The following PCDHGA1 variants were observed in gnomAD, a reference collection of about 807,000 sequenced individuals.
PCDHGA1 encodes protocadherin gamma subfamily A, 1.
A neutral mutation model predicts 58.0 loss-of-function variants in PCDHGA1; 32 were observed. That is an observed-to-expected ratio of 0.55 (90% CI 0.42 to 0.74). PCDHGA1 has a LOEUF of 0.74. PCDHGA1 is among the 30% of genes least tolerant of loss of function. PCDHGA1 has a pLI of 0.00. For synonymous variants in PCDHGA1, 498 were observed against 501.1 expected, an observed-to-expected ratio of 0.99 and a Z score of 0.08; for missense variants, 1,205 against 1,182.3, an observed-to-expected ratio of 1.02 and a Z score of -0.28.
At chr5:141,360,781 G>A (rs1364422649) in intron 1 of PCDHGA1, 1 of 1,613,920 alleles carries the variant, frequency 6.2e-7, no homozygotes, top group East Asian at 2.2e-5. Context: ...CACAGCTGTG[G>A]ATGGCGGAGA....
At chr5:141,412,948 G>A in intron 1 of PCDHGA1, 1 of 468,334 alleles carries the variant, frequency 2.1e-6, no homozygotes, top group Non-Finnish European at 3.7e-6. Context: ...TCTGAGCGCC[G>A]CTGTTCACCT....
intron 1 of PCDHGA1, chr5:141,419,465 G>A (rs568864628): frequency 1.9e-6 from 3 of 1,612,544 alleles, no homozygotes; most frequent in South Asian, 1.1e-5. Context: ...GCAGGCCCGC[G>A]ACCAGGGCTC....
Position 141,489,493 on chromosome 5 carries a change from G to A in PCDHGA1, c.2422-5314G>A, listed in dbSNP as rs1485293604. ...CCTGAGCTTGATGAGTGGTGCCCTG[G>A]CAGTGAATCAAAAGATTGACCGAGA... On this transcript the variant is annotated intron_variant, in intron 1 of 3. Coordinates refer to ENST00000517417, the MANE Select transcript of PCDHGA1 (RefSeq NM_018912.3). The surrounding 1 kb of genome is among the most constrained non-coding windows in gnomAD (Gnocchi z 4.5). The A allele has an allele frequency of 1.2e-6, 2 of 1,613,960 alleles. No homozygotes were observed. Among genetic ancestry groups the A allele is most frequent in the Non-Finnish European group, 1.7e-6 (2 of 1,180,038 alleles).
intron 1 of PCDHGA1, chr5:141,478,874 A>G: frequency 1.6e-6 from 2 of 1,276,696 alleles, no homozygotes; most frequent in Non-Finnish European, 2.1e-6. Flanking sequence ...ATCAGAGTTT[A>G]GCTTGGTATC....
At chr5:141,447,437 G>A (rs1435222330) in intron 1 of PCDHGA1, among the ~76,000 whole-genome samples, 3 of 152,128 alleles carry the variant, frequency 2.0e-5, no homozygotes, top group Non-Finnish European at 2.9e-5. Context: ...CGCACCCGGA[G>A]GAAATTTTTA....
chr5:141,399,590 T>G, intron 1 of PCDHGA1: 1 of 1,613,972 alleles, frequency 6.2e-7, no homozygotes, highest in East Asian at 2.2e-5. Context: ...TACTCTATCA[T>G]GGCCAGCGAC....
intron 1 of PCDHGA1, among the ~76,000 whole-genome samples, chr5:141,435,696 A>G (rs932132128): frequency 1.3e-5 from 2 of 152,204 alleles, no homozygotes; most frequent in East Asian, 1.9e-4. Context: ...TGCTTATTGT[A>G]GAGTGGTTAC....
intron 1 of PCDHGA1, chr5:141,360,675 C>T: frequency 5.0e-6 from 8 of 1,613,980 alleles, no homozygotes; most frequent in Non-Finnish European, 6.8e-6. Flanking sequence ...ACTTTGATCT[C>T]GCTGAGAAAC....
chr5:141,478,716 G>T, intron 1 of PCDHGA1: 1 of 1,545,206 alleles, frequency 6.5e-7, no homozygotes. Flanking sequence ...TGAGATGGTG[G>T]CCTGCCAGAG....
chr5:141,413,381 G>A, intron 1 of PCDHGA1: 1 of 1,613,946 alleles, frequency 6.2e-7, no homozygotes, highest in Non-Finnish European at 8.5e-7. Flanking sequence ...CGCGGAGTCC[G>A]CATAGTCTCC....
At chr5:141,340,019 A>T (rs1026674941) in intron 1 of PCDHGA1, 1 of 1,614,188 alleles carries the variant, frequency 6.2e-7, no homozygotes, top group Non-Finnish European at 8.5e-7. Context: ...ATTTTACATG[A>T]CATCTGCTAC....
chr5:141,506,584 G>A (rs1413313164), intron 3 of PCDHGA1, among the ~76,000 whole-genome samples: 1 of 152,098 alleles, frequency 6.6e-6, no homozygotes, highest in African/African-American at 2.4e-5. Context: ...ACTATTAATG[G>A]GCACAGTATT....
chr5:141,439,042 A>C (rs2098084096), intron 1 of PCDHGA1, among the ~76,000 whole-genome samples: 1 of 151,642 alleles, frequency 6.6e-6, no homozygotes, highest in Non-Finnish European at 1.5e-5. Context: ...TCAGTTCATA[A>C]GATTTCCATA....
chr5:141,408,540 C>G (rs201370009), intron 1 of PCDHGA1: 4 of 1,613,928 alleles, frequency 2.5e-6, no homozygotes, highest in Non-Finnish European at 3.4e-6. Flanking sequence ...GTGGAAAATC[C>G]TTTAAATATT....
chr5:141,400,493 A>G, intron 1 of PCDHGA1: 2 of 1,614,014 alleles, frequency 1.2e-6, no homozygotes, highest in South Asian at 2.2e-5. Flanking sequence ...CCACTTTGTA[A>G]TTCCAGCGAG....
At chr5:141,418,802 T>C in intron 1 of PCDHGA1, 1 of 1,613,862 alleles carries the variant, frequency 6.2e-7, no homozygotes, top group Non-Finnish European at 8.5e-7. Flanking sequence ...AGTAGAAAGA[T>C]ATACGATAAA....
In PCDHGA1 at chr5:141,478,136, C is replaced by G. The variant is rs529858044; in HGVS notation, c.2422-16671C>G. 1.4e-4 allele frequency: 218 copies of G among 1,614,048 alleles called. 3 individuals are homozygous for G. The South Asian group carries it at 2.2e-3, about 17-fold the overall frequency. ...AGTAACCGAGGACTCTCCTGAAGCC[C>G]GAGCCGAGTTCCCCTCTGGCTCTGC... is the stretch of plus-strand genomic sequence containing the variant. On this transcript the variant is annotated intron_variant, in intron 1 of 3. Coordinates refer to ENST00000517417, the MANE Select transcript of PCDHGA1 (RefSeq NM_018912.3).
chr5:141,344,886 C>A, intron 1 of PCDHGA1: 1 of 1,613,810 alleles, frequency 6.2e-7, no homozygotes, highest in Non-Finnish European at 8.5e-7. Context: ...AGATAAAATG[C>A]CTGGGAAAAT....
rs562872139 is a variant in PCDHGA1 at position 141,408,923 on chromosome 5, G to A, written c.2421+75818G>A. The A allele has an allele frequency of 5.6e-6, 9 of 1,613,488 alleles. No individual in the cohort carries two copies. The African/African-American group carries it at 1.1e-4, about 19-fold the overall frequency. ...CAAGGATACCAATGATAACCCCCCG[G>A]TTTTCAGCAGAGACGAATATAGAAT... On this transcript the variant is annotated intron_variant, in intron 1 of 3. Coordinates refer to ENST00000517417, the MANE Select transcript of PCDHGA1 (RefSeq NM_018912.3).
Sources: allele counts gnomAD v4.1 joint callset (sites outside exome capture counted in the v4.1 genomes callset), GRCh38; gene constraint gnomAD v4.1.1; non-coding constraint Gnocchi (gnomAD v3.1); transcripts MANE v1.5; gene names NCBI Gene and HGNC (gene_info 2026-07-23, HGNC 2026-07-21).